Variants in PMS2 observed in about 807,000 individuals in gnomAD.
The protein encoded by PMS2 is PMS1 homolog 2, mismatch repair system component, also known as mismatch repair endonuclease PMS2.
In PMS2, 69 loss-of-function variants were observed where a neutral mutation model predicts 90.0. That is an observed-to-expected ratio of 0.77 (90% CI 0.63 to 0.94). The LOEUF (loss-of-function observed/expected upper bound fraction) is 0.94, where lower values mean the gene tolerates loss of function less well. PMS2 is among the 40% of genes least tolerant of loss of function. The probability of loss-of-function intolerance (pLI) is 0.00; values close to 1 mark genes in which losing one functional copy is unlikely to be tolerated. For synonymous variants in PMS2, 332 were observed against 375.1 expected, an observed-to-expected ratio of 0.89 and a Z score of 1.33; for missense variants, 966 against 1,040.2, an observed-to-expected ratio of 0.93 and a Z score of 0.98.
At chr7:5,988,787 A>G (rs1783376863) in intron 10 of PMS2, among the ~76,000 whole-genome samples, 1 of 152,240 alleles carries the variant, frequency 6.6e-6, no homozygotes, top group African/African-American at 2.4e-5. Context: ...AACAAATCAC[A>G]GAAAAGGACA....
intron 6 of PMS2, among the ~76,000 whole-genome samples, chr7:5,998,005 T>C (rs1378277951): frequency 6.6e-6 from 1 of 151,870 alleles, no homozygotes; most frequent in Admixed American, 6.6e-5. Context: ...AGACGCAGTA[T>C]ACGAGTGTCT....
Sources: gnomAD v4.1 joint callset for allele counts (sites outside exome capture counted in the v4.1 genomes callset) on GRCh38, gnomAD v4.1.1 for gene constraint, MANE v1.5 for transcripts, NCBI Gene and HGNC (gene_info 2026-07-23, HGNC 2026-07-21) for gene names.